CACNA1S: variants seen among roughly 807,000 people sequenced by gnomAD.
CACNA1S encodes calcium voltage-gated channel subunit alpha1 S, also known as voltage-dependent L-type calcium channel subunit alpha-1S.
CACNA1S carries 126 observed loss-of-function variants against 207.4 expected under a neutral mutation model. The ratio of observed to expected loss-of-function variants is 0.61; its 90% CI spans 0.53 to 0.70. The LOEUF is 0.70. CACNA1S is among the 30% of genes least tolerant of loss of function. The probability of loss-of-function intolerance (pLI) is 0.00; values close to 1 mark genes in which losing one functional copy is unlikely to be tolerated. For missense variants in CACNA1S, 2,349 were observed against 2,422.8 expected (o/e 0.97, Z 0.64); for synonymous variants, 960 against 932.7 (o/e 1.03, Z -0.53).
In CACNA1S at chr1:201,048,658, C is replaced by T. The variant is rs190781522; in HGVS notation, c.4365G>A (p.Leu1455=). 24 of 1,613,328 alleles carry T rather than the reference C, an allele frequency of 1.5e-5. No homozygotes were observed. Among genetic ancestry groups the T allele is most frequent in the Non-Finnish European group, 1.9e-5 (23 of 1,179,866 alleles). ...TGAAGGTGACTGTGCCGTCGCTGTT[C>T]AGGGGCATGTTCATGCCCACCAGCC... The part of the protein sequence containing the change: ...CKRLVGMNMP[L]NSDGTVTFNA... Residue 1455 remains leucine, a synonymous_variant, in exon 36 of 44, where the codon CTG becomes CTA. Transcript: ENST00000362061.
At chr1:201,081,674 G>C (rs1390079546) in intron 10 of CACNA1S, among the ~76,000 whole-genome samples, 1 of 152,206 alleles carries the variant, frequency 6.6e-6, no homozygotes, top group African/African-American at 2.4e-5. Flanking sequence ...ATCTCATGTG[G>C]AAATGTAATT....
chr1:201,047,502 T>C (rs771797048), intron 37 of CACNA1S, 23 bp downstream of exon 37: 1 of 1,588,056 alleles, frequency 6.3e-7, no homozygotes, highest in East Asian at 2.2e-5. Context: ...TTCTGGACTC[T>C]GGTCCCCCAA....
Position 201,053,196 on chromosome 1 carries a change from G to A in CACNA1S, c.3861+13C>T, listed in dbSNP as rs776628156. On this transcript the variant is annotated intron_variant, in intron 31 of 43. Transcript: ENST00000362061. The surrounding 1 kb of genome is among the most constrained non-coding windows in gnomAD (Gnocchi z 5.1). ...AAGATCCATGCTTTGGCCTGGGCCC[G>A]CCTGCCTCTCACCTGCATGCCGATG... The A allele has an allele frequency of 1.2e-5, 20 of 1,614,016 alleles. No individual in the cohort carries two copies. Among genetic ancestry groups the A allele is most frequent in the East Asian group, 6.7e-5 (3 of 44,894 alleles).
At chr1:201,067,705 T>C (rs1661299377) in intron 19 of CACNA1S, among the ~76,000 whole-genome samples, 1 of 152,182 alleles carries the variant, frequency 6.6e-6, no homozygotes, top group Admixed American at 6.6e-5. Flanking sequence ...ATGCACTTGC[T>C]ACTGTCTGTC....
At chr1:201,083,085 TG>T in intron 10 of CACNA1S, 76 bp downstream of exon 10, 1 of 1,488,716 alleles carries the variant, frequency 6.7e-7, no homozygotes, top group Non-Finnish European at 9.4e-7. Flanking sequence ...GCACAACCTG[TG>T]GTGCCATTGG....
chr1:201,041,799 C>T (rs1660235624), intron 40 of CACNA1S: 1 of 634,564 alleles, frequency 1.6e-6, no homozygotes, highest in Non-Finnish European at 2.8e-6. Flanking sequence ...TTCCTGACTC[C>T]ACTCCTTTGC....
chr1:201,104,458 A>G (rs1662801065), intron 2 of CACNA1S, among the ~76,000 whole-genome samples: 1 of 152,246 alleles, frequency 6.6e-6, no homozygotes, highest in Non-Finnish European at 1.5e-5. Context: ...CCTGATAGGA[A>G]GATAACCCCA....
chr1:201,077,976 T>C lies in CACNA1S; in HGVS notation c.1522A>G (p.Ile508Val). 1 of 1,614,174 alleles carries C rather than the reference T, an allele frequency of 6.2e-7. No homozygotes were observed. The highest frequency in any genetic ancestry group is 1.3e-5 in the African/African-American group (1 of 75,046). The change falls in exon 11 of 44, where the codon ATC (isoleucine) becomes GTC (valine). Residue 508 changes from isoleucine to valine, a missense_variant. Transcript: ENST00000362061. Reference sequence around the variant, plus strand: ...GACTCCACCAGCAGGATCTCCAGGATACCGCTACACACCACGAAGCAGTCG... The same window carrying C: ...GACTCCACCAGCAGGATCTCCAGGACACCGCTACACACCACGAAGCAGTCG... ...RFDCFVVCSG[I>V]LEILLVESGA... is the part of the protein sequence containing the mutation.
intron 2 of CACNA1S, among the ~76,000 whole-genome samples, chr1:201,099,659 A>G (rs1574408): frequency 0.45 from 68,504 of 151,952 alleles, 15,930 homozygotes; most frequent in Non-Finnish European, 0.51. Flanking sequence ...TGGAGGACAG[A>G]CATCCTCAAA....
chr1:201,061,886 G>T (rs763979619), intron 24 of CACNA1S, 58 bp downstream of exon 24: 128 of 1,599,262 alleles, frequency 8.0e-5, no homozygotes, highest in Non-Finnish European at 1.1e-4. Context: ...GGGCAGGCTG[G>T]CTGCCTGGTC....
In CACNA1S at chr1:201,039,720, T is replaced by C; in HGVS notation, c.*111A>G. 6.8e-7 allele frequency: 1 copy of C among 1,463,780 alleles called. No individual in the cohort carries two copies. The highest frequency in any genetic ancestry group is 9.4e-7 in the Non-Finnish European group (1 of 1,061,154). 90.7% of individuals were successfully genotyped at this position (1,463,780 alleles called of 1,614,324 possible). A position where few individuals can be genotyped will look rare whatever the true frequency, so the allele number is the denominator to read the frequency against. On this transcript the variant is annotated 3_prime_UTR_variant, in exon 44 of 44. Transcript: ENST00000362061. Reference sequence around the variant, plus strand: ...CCCTGCCTCAGGCCATGCATCTAGCTGCTGAGAGGGAGGGAGGCTGCTGCG... The same window carrying C: ...CCCTGCCTCAGGCCATGCATCTAGCCGCTGAGAGGGAGGGAGGCTGCTGCG...
At chr1:201,050,825 C>T (rs1286793106) in intron 33 of CACNA1S, among the ~76,000 whole-genome samples, 159 bp downstream of exon 33, 1 of 152,126 alleles carries the variant, frequency 6.6e-6, no homozygotes, top group African/African-American at 2.4e-5. Context: ...AAGCCACACT[C>T]AGGATGACCA....
At position 201,039,833 on chromosome 1, in the gene CACNA1S, A is replaced by G. The variant is rs1558047318; in HGVS notation, c.5620T>C (p.Ter1874ArgextTer13). The change falls in exon 44 of 44, where the codon TGA (stop) becomes CGA (arginine). Residue 1874 changes from the stop codon to arginine (R), a stop_lost. Transcript: ENST00000362061. ...SQETLIPPRL[*>R] Reference sequence around the variant, plus strand: ...CCCATGCTGATGCTGTGTGGGCATCACAGCCTTGGAGGAATAAGGGTCTCC... The same window carrying G: ...CCCATGCTGATGCTGTGTGGGCATCGCAGCCTTGGAGGAATAAGGGTCTCC... 5.0e-6 allele frequency: 8 copies of G among 1,603,884 alleles called. No homozygotes were observed. The highest frequency in any genetic ancestry group is 5.9e-6 in the Non-Finnish European group (7 of 1,179,984).
At position 201,069,625 on chromosome 1, in the gene CACNA1S, CA is replaced by C. The variant is rs748616190; in HGVS notation, c.2361-25del. ...TCCTGGTGGGGCGAGGTAGGGAGGG[CA>C]GGGGAGCTGTGAGCTGCTGGAGGCT... is the stretch of plus-strand genomic sequence containing the variant. On this transcript the variant is annotated intron_variant, in intron 17 of 43. Coordinates refer to ENST00000362061, the MANE Select transcript of CACNA1S (RefSeq NM_000069.3). The C allele has an allele frequency of 7.9e-5, 123 of 1,550,880 alleles. No homozygotes were observed. The Admixed American group carries it at 2.4e-3, about 30-fold the overall frequency.
chr1:201,112,304 C>T lies in CACNA1S; in HGVS notation c.36G>A (p.Arg12=), dbSNP rs1558092152. The change falls in exon 1 of 44, where the codon AGG becomes AGA. Residue 12 remains arginine (R), a synonymous_variant. Coordinates refer to ENST00000362061, the MANE Select transcript of CACNA1S (RefSeq NM_000069.3). ...GAACTGGCTTCTTGGGCTGTTTCTT[C>T]CTCAGGCCTTCATCCTGGGGTGAGG... is the stretch of plus-strand genomic sequence containing the variant. ...EPSSPQDEGL[R]KKQPKKPVPE... is the part of the protein sequence containing the mutation. 1 of 1,613,980 alleles carries T rather than the reference C, an allele frequency of 6.2e-7. No individual in the cohort carries two copies. Among genetic ancestry groups the T allele is most frequent in the Non-Finnish European group, 8.5e-7 (1 of 1,179,980 alleles).
intron 31 of CACNA1S, among the ~76,000 whole-genome samples, chr1:201,052,990 C>T: frequency 6.6e-6 from 1 of 152,130 alleles, no homozygotes; most frequent in East Asian, 1.9e-4. Context: ...CTGGCCCCTG[C>T]TGTCCACCCA....
At position 201,047,564 on chromosome 1, in the gene CACNA1S, T is replaced by C. The variant is rs1263776472; in HGVS notation, c.4504A>G (p.Ser1502Gly). ...AIIKKIWKRT[S>G]MKLLDQVIPP... ...ATGACCTGGTCCAAGAGCTTCATGC[T>C]GGTTCTCTTCCAGATCTTCTTGATG... Residue 1502 changes from serine to glycine, a missense_variant, in exon 37 of 44, where the codon AGC (serine) becomes GGC (glycine). Transcript: ENST00000362061. 1.5e-5 allele frequency: 24 copies of C among 1,614,118 alleles called. No individual in the cohort carries two copies. The Admixed American group carries it at 3.2e-4, about 21-fold the overall frequency.
chr1:201,053,801 G>GT lies in CACNA1S; in HGVS notation c.3667-215dup, dbSNP rs1660740580. On this transcript the variant is annotated intron_variant, in intron 29 of 43. Transcript: ENST00000362061. This position sits in a 1 kb window ranked among gnomAD's most constrained non-coding sequence, Gnocchi z 5.1. ...TCAGCTGGGAGGCAGGGAAGAGGACGTGGGGCACCAGGCAGCGTGGTGAAG... is the reference window on the plus strand; with the variant it reads ...TCAGCTGGGAGGCAGGGAAGAGGACGTTGGGGCACCAGGCAGCGTGGTGAAG... 6.6e-6 allele frequency among the ~76,000 whole-genome samples: 1 copy of GT among 152,194 alleles called. No homozygotes were observed. Among genetic ancestry groups the GT allele is most frequent in the African/African-American group, 2.4e-5 (1 of 41,448 alleles).
rs569426950 is a variant in CACNA1S at position 201,094,830 on chromosome 1, G to A, written c.259-809C>T. Reference sequence around the variant, plus strand: ...GCCCCACCCTGCAGAAGGCCCGGCCGACACTCCAGGACCTGTCCCCGTAGC... The same window carrying A: ...GCCCCACCCTGCAGAAGGCCCGGCCAACACTCCAGGACCTGTCCCCGTAGC... On this transcript the variant is annotated intron_variant, in intron 2 of 43. Transcript: ENST00000362061. 2.6e-5 allele frequency among the ~76,000 whole-genome samples: 4 copies of A among 152,178 alleles called. No individual in the cohort carries two copies. In the South Asian group the frequency reaches 6.2e-4, roughly 24 times the overall value.
Sources: allele counts gnomAD v4.1 joint callset (sites outside exome capture counted in the v4.1 genomes callset), GRCh38; gene constraint gnomAD v4.1.1; non-coding constraint Gnocchi (gnomAD v3.1); transcripts MANE v1.5; gene names NCBI Gene and HGNC (gene_info 2026-07-23, HGNC 2026-07-21).